The following DNAJC1 variants were observed in gnomAD, a reference collection of about 807,000 sequenced individuals.
The protein encoded by DNAJC1 is dnaJ homolog subfamily C member 1.
In DNAJC1, 58 loss-of-function variants were observed where a neutral mutation model predicts 76.6. That is an observed-to-expected ratio of 0.76 (90% confidence interval 0.61 to 0.94). The LOEUF is 0.94. DNAJC1 is among the 40% of genes least tolerant of loss of function. The pLI is 0.00. For missense variants in DNAJC1, 689 were observed against 677.3 expected (o/e 1.02, Z -0.19); for synonymous variants, 258 against 267.9 (o/e 0.96, Z 0.36).
intron 8 of DNAJC1, among the ~76,000 whole-genome samples, chr10:21,807,202 A>C (rs1021128575): frequency 3.3e-5 from 5 of 152,122 alleles, no homozygotes; most frequent in Non-Finnish European, 7.4e-5. Flanking sequence ...TTTTCTAATC[A>C]CCATTTCCGA....
intron 7 of DNAJC1, among the ~76,000 whole-genome samples, chr10:21,900,774 T>C (rs1836639243): frequency 6.6e-6 from 1 of 152,230 alleles, no homozygotes; most frequent in African/African-American, 2.4e-5. Flanking sequence ...TAGTGATCAG[T>C]TACATGCCTC....
intron 6 of DNAJC1, among the ~76,000 whole-genome samples, chr10:21,916,093 T>G (rs1836950159): frequency 6.6e-6 from 1 of 152,198 alleles, no homozygotes; most frequent in African/African-American, 2.4e-5. Flanking sequence ...ACAATTACAC[T>G]GTTTCACAAG....
At chr10:21,761,095 G>T (rs75507651) in intron 10 of DNAJC1, among the ~76,000 whole-genome samples, 3 of 152,168 alleles carry the variant, frequency 2.0e-5, no homozygotes, top group Admixed American at 1.3e-4. Flanking sequence ...CATGAAAATC[G>T]CTTGAACCCA....
At chr10:21,836,922 T>C (rs576619771) in intron 8 of DNAJC1, among the ~76,000 whole-genome samples, 2 of 152,050 alleles carry the variant, frequency 1.3e-5, no homozygotes, top group African/African-American at 2.4e-5. Context: ...TCCACGGTCT[T>C]CCTCTCCCTC....
intron 9 of DNAJC1, among the ~76,000 whole-genome samples, chr10:21,784,566 T>C (rs1012196968): frequency 6.6e-6 from 1 of 152,138 alleles, no homozygotes; most frequent in Non-Finnish European, 1.5e-5. Flanking sequence ...ACCCAAAGGA[T>C]TATAAATCAT....
At chr10:21,874,343 G>C (rs571600366) in intron 8 of DNAJC1, among the ~76,000 whole-genome samples, 1 of 151,786 alleles carries the variant, frequency 6.6e-6, no homozygotes, top group South Asian at 2.1e-4. Context: ...GAGTCCAGGA[G>C]ATTTAAGTTG....
rs544180363 is a variant in DNAJC1 at position 21,841,320 on chromosome 10, C to A, written c.979-35221G>T. ...CTACCATCAGTGAACAGGCAGCCTA[C>A]AGAATGGGAGAAAATTTTTGCAACC... On this transcript the variant is annotated intron_variant, in intron 8 of 11. Transcript: ENST00000376980. Among the ~76,000 whole-genome samples, 12 of 152,240 alleles carry A rather than the reference C, an allele frequency of 7.9e-5. No individual in the cohort carries two copies. In the South Asian group the frequency reaches 2.5e-3, roughly 32 times the overall value.
At chr10:21,789,953 T>C (rs1343263973) in intron 9 of DNAJC1, among the ~76,000 whole-genome samples, 1 of 134,322 alleles carries the variant, frequency 7.4e-6, no homozygotes, top group South Asian at 2.2e-4. Flanking sequence ...GAGGTTGCAG[T>C]GAGCCAAGAC....
intron 8 of DNAJC1, among the ~76,000 whole-genome samples, chr10:21,831,389 T>C (rs1835354614): frequency 6.6e-6 from 1 of 152,226 alleles, no homozygotes; most frequent in Non-Finnish European, 1.5e-5. Context: ...TGTCAGTTTC[T>C]GCTAATACTC....
intron 9 of DNAJC1, among the ~76,000 whole-genome samples, chr10:21,804,657 C>G (rs1315497658): frequency 7.2e-6 from 1 of 138,202 alleles, no homozygotes; most frequent in African/African-American, 2.7e-5. Flanking sequence ...TCATGAAACA[C>G]AGCAAAAAAA....
intron 8 of DNAJC1, among the ~76,000 whole-genome samples, chr10:21,816,046 C>G (rs1835069603): frequency 6.6e-6 from 1 of 151,382 alleles, no homozygotes. Flanking sequence ...GCCCAGCCTT[C>G]AAGTTTCATT....
intron 9 of DNAJC1, among the ~76,000 whole-genome samples, chr10:21,786,315 T>C (rs1308066587): frequency 2.0e-5 from 3 of 151,836 alleles, no homozygotes; most frequent in South Asian, 4.2e-4. Context: ...GAATTTACTA[T>C]GTAAATTCAG....
intron 1 of DNAJC1, among the ~76,000 whole-genome samples, chr10:22,002,665 G>T (rs1193028640): frequency 6.6e-6 from 1 of 152,076 alleles, no homozygotes; most frequent in African/African-American, 2.4e-5. Context: ...GAAGTACAAA[G>T]TAAGAAAAAC....
At chr10:21,910,829 A>AGGAGAGGAG (rs879395370) in intron 6 of DNAJC1, among the ~76,000 whole-genome samples, 1 of 48,914 alleles carries the variant, frequency 2.0e-5, no homozygotes, top group African/African-American at 1.3e-4. Flanking sequence ...GAAAGAAAGG[A>AGGAGAGGAG]AGGAGAGGAG....
At chr10:21,766,460 T>G (rs1396929740) in intron 9 of DNAJC1, 151 bp from the exon 10 acceptor site, 1 of 637,198 alleles carries the variant, frequency 1.6e-6, no homozygotes, top group Non-Finnish European at 2.8e-6. Context: ...TCCATTAATG[T>G]AATTAACAAG....
intron 1 of DNAJC1, among the ~76,000 whole-genome samples, chr10:21,937,135 G>T (rs1215609606): frequency 5.9e-5 from 9 of 152,014 alleles, no homozygotes; most frequent in African/African-American, 1.9e-4. Context: ...TGAAGGAAAT[G>T]ATGCTATTTA....
chr10:21,940,467 CTGA>C (rs1269399093), intron 1 of DNAJC1, among the ~76,000 whole-genome samples: 1 of 152,116 alleles, frequency 6.6e-6, no homozygotes, highest in East Asian at 1.9e-4. Flanking sequence ...ATCCTGGTTG[CTGA>C]TAAGAGAACA....
chr10:21,807,356 T>C (rs755671382), intron 8 of DNAJC1, among the ~76,000 whole-genome samples: 1 of 152,136 alleles, frequency 6.6e-6, no homozygotes, highest in African/African-American at 2.4e-5. Context: ...ATTCTCCCAC[T>C]GTGCTCTAAC....
At chr10:21,951,632 C>T (rs1837596628) in intron 1 of DNAJC1, among the ~76,000 whole-genome samples, 2 of 152,024 alleles carry the variant, frequency 1.3e-5, no homozygotes, top group South Asian at 4.1e-4. Context: ...TCCAGAGAGA[C>T]TCAAGTTACA....
Sources: gnomAD v4.1 joint callset for allele counts (sites outside exome capture counted in the v4.1 genomes callset) on GRCh38, gnomAD v4.1.1 for gene constraint, MANE v1.5 for transcripts, NCBI Gene and HGNC (gene_info 2026-07-23, HGNC 2026-07-21) for gene names.